Variants in EXOC6B observed in about 807,000 individuals in gnomAD.
The protein encoded by EXOC6B is exocyst complex component 6B.
In EXOC6B, 54 loss-of-function variants were observed where a neutral mutation model predicts 113.5. The ratio of observed to expected loss-of-function variants is 0.48; its 90% CI spans 0.38 to 0.60. The LOEUF (loss-of-function observed/expected upper bound fraction) is 0.60. Among genes scored for constraint, EXOC6B ranks in the 20% least tolerant of loss-of-function variants. The pLI is 0.00. For synonymous variants in EXOC6B, 357 were observed against 339.0 expected (o/e 1.05, Z -0.58); for missense variants, 797 against 977.5 (o/e 0.82, Z 2.46).
At position 72,744,393 on chromosome 2, in the gene EXOC6B, C is replaced by T. The variant is rs115097429; in HGVS notation, c.114-2924G>A. ...TCAAATAAATTATAAACAATCTCTG[C>T]TTTGACAAGTAGGAAAACTGTAGAA... On this transcript the variant is annotated intron_variant, in intron 1 of 21. Transcript: ENST00000272427. Among the ~76,000 whole-genome samples, 209 of 152,258 alleles carry T rather than the reference C, an allele frequency of 1.4e-3. 2 individuals are homozygous for T. The highest frequency in any genetic ancestry group is 0.01 in the Middle Eastern group (3 of 294).
chr2:72,550,823 T>C (rs904187341), intron 8 of EXOC6B, among the ~76,000 whole-genome samples: 6 of 152,120 alleles, frequency 3.9e-5, no homozygotes, highest in Non-Finnish European at 7.4e-5. Context: ...GTCTATAGTT[T>C]ATGCCAAACA....
At chr2:72,453,638 TA>T (rs756544687) in intron 18 of EXOC6B, among the ~76,000 whole-genome samples, 1 of 152,208 alleles carries the variant, frequency 6.6e-6, no homozygotes, top group Non-Finnish European at 1.5e-5. Context: ...CACTGAATAA[TA>T]GTATTAAAGT....
In EXOC6B at chr2:72,537,973, C is replaced by CT. The variant is rs200117521; in HGVS notation, c.915+21479dup. ...ATAATAGCACTAGAAATGACTAAGA[C>CT]TTTTTTTTTTTTTTTTGAGACAGGA... is the stretch of plus-strand genomic sequence containing the variant. On this transcript the variant is annotated intron_variant, in intron 8 of 21. Coordinates refer to ENST00000272427, the MANE Select transcript of EXOC6B (RefSeq NM_015189.3). Among the ~76,000 whole-genome samples, 1,051 of 139,978 alleles carry CT rather than the reference C, an allele frequency of 7.5e-3. 6 individuals carry two copies. The highest frequency in any genetic ancestry group is 0.017 in the East Asian group (83 of 4,842). 91.8% of individuals were successfully genotyped at this position (139,978 alleles called of 152,430 possible). A position where few individuals can be genotyped will look rare whatever the true frequency, so the allele number is the denominator to read the frequency against.
chr2:72,669,989 T>C (rs1317423000), intron 6 of EXOC6B, among the ~76,000 whole-genome samples: 1 of 152,222 alleles, frequency 6.6e-6, no homozygotes, highest in African/African-American at 2.4e-5. Flanking sequence ...CTTACAGAAA[T>C]GTAACAGCCA....
chr2:72,466,129 G>A (rs572247053), intron 17 of EXOC6B, among the ~76,000 whole-genome samples: 1 of 152,184 alleles, frequency 6.6e-6, no homozygotes, highest in Non-Finnish European at 1.5e-5. Flanking sequence ...TGGATCACTT[G>A]AGGTCAGGAG....
chr2:72,765,652 G>A (rs1202334553), intron 1 of EXOC6B, among the ~76,000 whole-genome samples: 3 of 152,166 alleles, frequency 2.0e-5, no homozygotes, highest in Non-Finnish European at 2.9e-5. Flanking sequence ...CAGCATGGGT[G>A]ACACAGCAAG....
intron 6 of EXOC6B, among the ~76,000 whole-genome samples, chr2:72,593,050 A>G (rs1706073035): frequency 1.3e-5 from 2 of 152,252 alleles, no homozygotes; most frequent in South Asian, 4.1e-4. Flanking sequence ...TATGCAATGG[A>G]ACCTCCAAAA....
chr2:72,674,972 T>C (rs1190458681), intron 6 of EXOC6B, among the ~76,000 whole-genome samples: 3 of 152,240 alleles, frequency 2.0e-5, no homozygotes, highest in Non-Finnish European at 4.4e-5. Context: ...ATTTAAATGC[T>C]TCCTAAATAT....
At chr2:72,585,179 C>CA (rs139376212) in intron 6 of EXOC6B, among the ~76,000 whole-genome samples, 2 of 151,864 alleles carry the variant, frequency 1.3e-5, no homozygotes, top group African/African-American at 4.8e-5. Context: ...TACTGAGATG[C>CA]AAAAATGCAT....
At chr2:72,237,066 C>T (rs1325661261) in intron 20 of EXOC6B, among the ~76,000 whole-genome samples, 2 of 152,130 alleles carry the variant, frequency 1.3e-5, no homozygotes, top group Non-Finnish European at 2.9e-5. Flanking sequence ...GCATAGTGGT[C>T]CATGGAAAAC....
At chr2:72,179,536 G>A in intron 21 of EXOC6B, 75 bp from the exon 22 acceptor site, 4 of 1,554,276 alleles carry the variant, frequency 2.6e-6, no homozygotes, top group Middle Eastern at 1.8e-4. Context: ...CAGGAAGCAG[G>A]ATGGCAATGC....
intron 1 of EXOC6B, among the ~76,000 whole-genome samples, chr2:72,821,108 C>T (rs1046863154): frequency 4.6e-5 from 7 of 151,940 alleles, no homozygotes; most frequent in African/African-American, 1.7e-4. Context: ...TATCTGATAA[C>T]AGGACATATT....
intron 16 of EXOC6B, among the ~76,000 whole-genome samples, chr2:72,482,927 G>A (rs897080572): frequency 1.3e-5 from 2 of 152,172 alleles, no homozygotes; most frequent in Non-Finnish European, 2.9e-5. Flanking sequence ...TGAAAAGTTA[G>A]GGCAACACTG....
rs368279360 is a variant in EXOC6B at position 72,231,961 on chromosome 2, A to G, written c.2197-47774T>C. Among the ~76,000 whole-genome samples, 19 of 152,056 alleles carry G rather than the reference A, an allele frequency of 1.2e-4. 1 individual carries two copies. The highest frequency in any genetic ancestry group is 4.6e-4 in the African/African-American group (19 of 41,494). ...AAGGAACAGAAATCATCCTACCATA[A>G]AGATGCAAAAAAAATTATATATAAT... On this transcript the variant is annotated intron_variant, in intron 20 of 21. Coordinates refer to ENST00000272427, the MANE Select transcript of EXOC6B (RefSeq NM_015189.3).
chr2:72,352,867 T>C (rs549837536), intron 19 of EXOC6B, among the ~76,000 whole-genome samples: 1 of 152,234 alleles, frequency 6.6e-6, no homozygotes, highest in South Asian at 2.1e-4. Context: ...TAAATAGACA[T>C]GGTATTTAAT....
intron 20 of EXOC6B, among the ~76,000 whole-genome samples, chr2:72,304,516 T>G (rs959352013): frequency 1.3e-5 from 2 of 152,196 alleles, no homozygotes; most frequent in African/African-American, 2.4e-5. Context: ...ATCTAATAGT[T>G]GAAAAATGAG....
chr2:72,648,156 G>C (rs1011848563), intron 6 of EXOC6B, among the ~76,000 whole-genome samples: 10 of 152,194 alleles, frequency 6.6e-5, no homozygotes, highest in Non-Finnish European at 2.9e-5. Flanking sequence ...AGACATTTAT[G>C]CAGCCAACAG....
intron 8 of EXOC6B, among the ~76,000 whole-genome samples, chr2:72,516,156 G>A (rs537582370): frequency 4.6e-5 from 7 of 152,158 alleles, no homozygotes; most frequent in Non-Finnish European, 8.8e-5. Flanking sequence ...TCAGTTTATG[G>A]GGCCTTGTTA....
intron 8 of EXOC6B, among the ~76,000 whole-genome samples, chr2:72,520,378 T>C (rs1255796324): frequency 6.6e-6 from 1 of 152,268 alleles, no homozygotes; most frequent in African/African-American, 2.4e-5. Flanking sequence ...TTTATTCTTC[T>C]AAAGTTTTTT....
Sources: allele counts gnomAD v4.1 joint callset (sites outside exome capture counted in the v4.1 genomes callset), GRCh38; gene constraint gnomAD v4.1.1; transcripts MANE v1.5; gene names NCBI Gene and HGNC (gene_info 2026-07-23, HGNC 2026-07-21).